Variants in VPS11 observed in about 807,000 individuals in gnomAD.
VPS11 encodes VPS11 core subunit of CORVET and HOPS complexes, also known as vacuolar protein sorting-associated protein 11 homolog.
Under a neutral mutation model 106.8 loss-of-function variants are expected in VPS11, and 51 were observed. The observed-to-expected ratio is 0.48, with a 90% CI of 0.38 to 0.60. VPS11 has a LOEUF of 0.60. VPS11 is among the 20% of genes least tolerant of loss of function. The pLI is 0.00. For synonymous variants in VPS11, 453 were observed against 458.7 expected (o/e 0.99, Z 0.16); for missense variants, 950 against 1,190.0 (o/e 0.80, Z 2.97).
In VPS11 at chr11:119,078,157, T is replaced by C; in HGVS notation, c.1762-16T>C. The C allele has an allele frequency of 6.2e-7, 1 of 1,612,054 alleles. No individual in the cohort carries two copies. The highest frequency in any genetic ancestry group is 1.1e-5 in the South Asian group (1 of 91,080). On this transcript the variant is annotated splice_polypyrimidine_tract_variant and intron_variant, in intron 10 of 15. Coordinates refer to ENST00000621676, the MANE Select transcript of VPS11 (RefSeq NM_021729.6). ...CCCACTCATTCAGCCTCCTTTTTCC[T>C]CTCTTGCCATCCTAGGCCAACTCTG...
Position 119,081,135 on chromosome 11 carries a change from G to T in VPS11, c.2482G>T (p.Ala828Ser). Residue 828 changes from alanine to serine, a missense_variant, in exon 15 of 16, where the codon GCC becomes TCC. Coordinates refer to ENST00000621676, the MANE Select transcript of VPS11 (RefSeq NM_021729.6). ...QKTKCSICNSALELPSVHFLC... is the reference protein window; with the variant it reads ...QKTKCSICNSSLELPSVHFLC... ...GACCAAGTGCAGCATCTGTAACAGT[G>T]CCTTGGAGTTGCCCTCAGTCCACTT... 6.2e-7 allele frequency: 1 copy of T among 1,614,030 alleles called. No individual in the cohort carries two copies.
At chr11:119,069,999 A>AAAATAAATAAATAAATAAATAAATAAAT (rs140755985) in intron 3 of VPS11, among the ~76,000 whole-genome samples, 26 of 141,756 alleles carry the variant, frequency 1.8e-4, no homozygotes, top group East Asian at 6.2e-4. Flanking sequence ...ACTCTGTCTC[A>AAAATAAATAAATAAATAAATAAATAAAT]AAATAAATAA....
chr11:119,073,084 C>G, intron 5 of VPS11, 114 bp from the exon 6 acceptor site: 1 of 1,200,036 alleles, frequency 8.3e-7, no homozygotes, highest in Admixed American at 2.1e-5. Context: ...ATGAGAGGGA[C>G]CAGAGAGGTG....
At position 119,079,121 on chromosome 11, in the gene VPS11, A is replaced by G; in HGVS notation, c.2267-8A>G. On this transcript the variant is annotated splice_polypyrimidine_tract_variant and splice_region_variant and intron_variant, in intron 13 of 15. Transcript: ENST00000621676. ...ATTGTCTTGTTTCCTCTTGGACCCCAATCTCAGTGGTGCAGACCCTGGCCC... is the reference window on the plus strand; with the variant it reads ...ATTGTCTTGTTTCCTCTTGGACCCCGATCTCAGTGGTGCAGACCCTGGCCC... The G allele has an allele frequency of 6.2e-7, 1 of 1,613,092 alleles. No individual in the cohort carries two copies. Among genetic ancestry groups the G allele is most frequent in the Non-Finnish European group, 8.5e-7 (1 of 1,179,222 alleles).
At chr11:119,077,716 C>T (rs903925369) in intron 9 of VPS11, 69 bp downstream of exon 9, 2 of 1,542,062 alleles carry the variant, frequency 1.3e-6, no homozygotes, top group African/African-American at 1.4e-5. Context: ...GAGTTGAATT[C>T]CTGGGCTCAG....
At chr11:119,075,166 C>G (rs1232331482) in intron 7 of VPS11, among the ~76,000 whole-genome samples, 1 of 151,806 alleles carries the variant, frequency 6.6e-6, no homozygotes, top group African/African-American at 2.4e-5. Flanking sequence ...ACTTGGGAGG[C>G]TGAGGCAGGA....
Position 119,078,942 on chromosome 11 carries a change from T to C in VPS11, c.2211T>C (p.Tyr737=), listed in dbSNP as rs1334925006. Reference sequence around the variant, plus strand: ...GCAAGGAGGAGGACTGCAAGGAGTATGTGGCAGCTGTCCTCAAGCATATCG... The same window carrying C: ...GCAAGGAGGAGGACTGCAAGGAGTACGTGGCAGCTGTCCTCAAGCATATCG... The part of the protein sequence containing the change: ...FARKEEDCKE[Y]VAAVLKHIEN... Residue 737 remains tyrosine, a synonymous_variant, in exon 13 of 16, where the codon TAT becomes TAC. Coordinates refer to ENST00000621676, the MANE Select transcript of VPS11 (RefSeq NM_021729.6). The C allele has an allele frequency of 6.2e-7, 1 of 1,614,004 alleles. No individual in the cohort carries two copies.
chr11:119,077,584 G>A lies in VPS11; in HGVS notation c.1509G>A (p.Leu503=), dbSNP rs1471444266. The A allele has an allele frequency of 1.2e-6, 2 of 1,613,806 alleles. No individual in the cohort carries two copies. The highest frequency in any genetic ancestry group is 1.7e-6 in the Non-Finnish European group (2 of 1,179,774). The stretch of plus-strand genomic sequence containing the variant: ...AGGCTGGCTACTACTCCCATGCCCT[G>A]TATCTGGCGGAGAACCATGCACATC... ...LRQAGYYSHA[L]YLAENHAHHE... Residue 503 remains leucine, a synonymous_variant, in exon 9 of 16, where the codon CTG becomes CTA. Transcript: ENST00000621676.
chr11:119,069,009 C>G (rs914897869), intron 1 of VPS11, among the ~76,000 whole-genome samples, 187 bp from the exon 2 acceptor site: 29 of 110,418 alleles, frequency 2.6e-4, no homozygotes, highest in Middle Eastern at 4.0e-3. Flanking sequence ...CCCCCCCCCC[C>G]CCGGCCTCCC....
chr11:119,081,746 C>T lies in VPS11; in HGVS notation c.*123C>T. On this transcript the variant is annotated 3_prime_UTR_variant, in exon 16 of 16. Coordinates refer to ENST00000621676, the MANE Select transcript of VPS11 (RefSeq NM_021729.6). ...AGGGCTCCACTCTCATCTAATGTCA[C>T]AGCCCTCAGAACTAAAGCGGACTTT... The T allele has an allele frequency of 2.3e-6, 3 of 1,319,466 alleles. No individual in the cohort carries two copies. Among genetic ancestry groups the T allele is most frequent in the Non-Finnish European group, 3.1e-6 (3 of 977,844 alleles). 81.7% of individuals were successfully genotyped at this position (1,319,466 alleles called of 1,614,324 possible). A position where few individuals can be genotyped will look rare whatever the true frequency, so the allele number is the denominator to read the frequency against.
At chr11:119,081,400 ATT>A (rs1267440941) in intron 15 of VPS11, 57 bp from the exon 16 acceptor site, 12 of 1,611,584 alleles carry the variant, frequency 7.4e-6, no homozygotes, top group Non-Finnish European at 9.3e-6. Context: ...TCACCTCCTC[ATT>A]TAAGAAACAA....
At position 119,081,134 on chromosome 11, in the gene VPS11, T is replaced by C; in HGVS notation, c.2481T>C (p.Ser827=). The change falls in exon 15 of 16, where the codon AGT becomes AGC. Residue 827 remains serine (S), a synonymous_variant. Transcript: ENST00000621676. ...AGACCAAGTGCAGCATCTGTAACAG[T>C]GCCTTGGAGTTGCCCTCAGTCCACT... The part of the protein sequence containing the change: ...FQKTKCSICN[S]ALELPSVHFL... The C allele has an allele frequency of 1.2e-6, 2 of 1,614,048 alleles. No individual in the cohort carries two copies. The highest frequency in any genetic ancestry group is 4.5e-5 in the East Asian group (2 of 44,890).
intron 8 of VPS11, 106 bp from the exon 9 acceptor site, chr11:119,077,395 T>C: frequency 7.0e-7 from 1 of 1,429,906 alleles, no homozygotes; most frequent in South Asian, 1.4e-5. Context: ...TTTCAAAGTG[T>C]GAACGTTATG....
In VPS11 at chr11:119,078,958, A is replaced by G. The variant is rs891751502; in HGVS notation, c.2227A>G (p.Lys743Glu). The change falls in exon 13 of 16, where the codon AAG (lysine) becomes GAG (glutamate). Residue 743 changes from lysine (K) to glutamate (E), a missense_variant. By Grantham distance (56) the Lys-to-Glu change is moderately conservative (BLOSUM62 1). Around this residue, in one of 3 missense-constraint regions of VPS11, gnomAD observed 453 missense variants for 514.6 expected, o/e 0.88. Transcript: ENST00000621676. ...CAAGGAGTATGTGGCAGCTGTCCTC[A>G]AGCATATCGAGAACAAGAACCTCAT... ...DCKEYVAAVL[K>E]HIENKNLMPP... The G allele has an allele frequency of 1.9e-6, 3 of 1,613,934 alleles. No homozygotes were observed. The highest frequency in any genetic ancestry group is 2.5e-6 in the Non-Finnish European group (3 of 1,179,906).
Position 119,078,060 on chromosome 11 carries a change from C to T in VPS11, c.1755C>T (p.Gly585=), listed in dbSNP as rs905412822. 1 of 1,610,968 alleles carries T rather than the reference C, an allele frequency of 6.2e-7. No individual in the cohort carries two copies. Among genetic ancestry groups the T allele is most frequent in the Non-Finnish European group, 8.5e-7 (1 of 1,179,840 alleles). The change falls in exon 10 of 16, where the codon GGC becomes GGT. Residue 585 remains glycine (G), a synonymous_variant. Transcript: ENST00000621676. Reference sequence around the variant, plus strand: ...GCCGCAGCGATAGGGAGGCCCCAGGCTGCAGGGTGAGGCTGCAGGGAAAAG... The same window carrying T: ...GCCGCAGCGATAGGGAGGCCCCAGGTTGCAGGGTGAGGCTGCAGGGAAAAG... ...LEGRSDREAP[G]CRANSEEFIP...
chr11:119,076,944 A>G lies in VPS11; in HGVS notation c.1286A>G (p.Asp429Gly). The change falls in exon 8 of 16, where the codon GAT becomes GGT. Residue 429 changes from aspartate (D) to glycine (G), a missense_variant. Asp to Gly is a moderately conservative substitution (Grantham distance 94). Transcript: ENST00000621676. ...TCCTACGTGATCCGCAAGTTTCTGG[A>G]TGCCCAGCGCATTCACAACCTGACT... is the stretch of plus-strand genomic sequence containing the variant. The part of the protein sequence containing the change: ...EPSYVIRKFL[D>G]AQRIHNLTAY... 6.2e-7 allele frequency: 1 copy of G among 1,613,996 alleles called. No individual in the cohort carries two copies. Among genetic ancestry groups the G allele is most frequent in the Non-Finnish European group, 8.5e-7 (1 of 1,179,888 alleles).
chr11:119,076,076 A>G (rs1379586378), intron 7 of VPS11, among the ~76,000 whole-genome samples: 1 of 151,702 alleles, frequency 6.6e-6, no homozygotes. Context: ...AAATACAAAA[A>G]TTAGCTGGGT....
intron 9 of VPS11, 104 bp downstream of exon 9, chr11:119,077,751 G>C (rs1945682201): frequency 6.5e-7 from 1 of 1,537,520 alleles, no homozygotes; most frequent in Non-Finnish European, 8.8e-7. Flanking sequence ...CCATCCTCCT[G>C]AGTGGAGGTG....
chr11:119,069,481 C>G lies in VPS11; in HGVS notation c.376C>G (p.Pro126Ala), dbSNP rs782600020. ...WNLEKRDGGN[P>A]LCTRIFPAIP... is the part of the protein sequence containing the mutation. ...CCTGGAGAAGAGAGATGGTGGCAAT[C>G]CACTCTGCACTCGAATCTTCCCTGC... Residue 126 changes from proline to alanine, a missense_variant, in exon 3 of 16, where the codon CCA becomes GCA. By Grantham distance (27) the Pro-to-Ala change is conservative (BLOSUM62 -1). This residue lies in a region of VPS11 where 435 missense variants were observed against 630.2 expected (regional missense o/e 0.69). Coordinates refer to ENST00000621676, the MANE Select transcript of VPS11 (RefSeq NM_021729.6). 2.5e-6 allele frequency: 4 copies of G among 1,613,990 alleles called. No homozygotes were observed. The highest frequency in any genetic ancestry group is 3.4e-6 in the Non-Finnish European group (4 of 1,179,892).
Sources: gnomAD v4.1 joint callset for allele counts (sites outside exome capture counted in the v4.1 genomes callset) on GRCh38, gnomAD v4.1.1 for gene constraint, gnomAD v4.1.1 regional missense constraint, MANE v1.5 for transcripts, NCBI Gene and HGNC (gene_info 2026-07-23, HGNC 2026-07-21) for gene names.